Variants in PRKAG2 observed in about 807,000 individuals in gnomAD.
PRKAG2 encodes the protein protein kinase AMP-activated non-catalytic subunit gamma 2.
A neutral mutation model predicts 69.6 loss-of-function variants in PRKAG2; 26 were observed. The ratio of observed to expected loss-of-function variants is 0.37; its 90% CI spans 0.27 to 0.52. PRKAG2 has a LOEUF of 0.52. Ranked by LOEUF, PRKAG2 falls within the 20% of genes least tolerant of loss-of-function variation. The probability of loss-of-function intolerance (pLI) is 0.90; values close to 1 mark genes in which losing one functional copy is unlikely to be tolerated. For synonymous variants in PRKAG2, 293 were observed against 285.0 expected (o/e 1.03, Z -0.28); for missense variants, 557 against 740.0 (o/e 0.75, Z 2.87).
chr7:151,628,488 A>C (rs1163084349), intron 5 of PRKAG2, among the ~76,000 whole-genome samples: 7 of 152,212 alleles, frequency 4.6e-5, no homozygotes, highest in Non-Finnish European at 1.0e-4. Flanking sequence ...TGCAGCCGGC[A>C]GATCACTTGA....
At chr7:151,717,194 C>T (rs1796317459) in intron 3 of PRKAG2, among the ~76,000 whole-genome samples, 1 of 150,466 alleles carries the variant, frequency 6.6e-6, no homozygotes, top group Non-Finnish European at 1.5e-5. Context: ...TTGCAGTGAG[C>T]TGAGATCGTG....
At chr7:151,605,888 A>G (rs1817414043) in intron 5 of PRKAG2, among the ~76,000 whole-genome samples, 1 of 149,096 alleles carries the variant, frequency 6.7e-6, no homozygotes, top group Admixed American at 6.8e-5. Context: ...CAGTGAACTG[A>G]GATTGTGCCA....
At chr7:151,628,515 C>T (rs1441092915) in intron 5 of PRKAG2, among the ~76,000 whole-genome samples, 1 of 152,148 alleles carries the variant, frequency 6.6e-6, no homozygotes, top group African/African-American at 2.4e-5. Context: ...GAGTTTGAGA[C>T]CAGCTTGGCC....
At chr7:151,731,100 C>T (rs1798857416) in intron 3 of PRKAG2, among the ~76,000 whole-genome samples, 1 of 152,228 alleles carries the variant, frequency 6.6e-6, no homozygotes, top group African/African-American at 2.4e-5. Context: ...AGCGCTACTA[C>T]AGTCATTGCT....
intron 3 of PRKAG2, among the ~76,000 whole-genome samples, chr7:151,706,062 T>C (rs116781443): frequency 0.012 from 1,901 of 152,258 alleles, 39 homozygotes; most frequent in African/African-American, 0.042. Flanking sequence ...CTGCAAAGCA[T>C]GTTGAAAATG....
At chr7:151,859,398 G>A (rs1265757835) in intron 1 of PRKAG2, among the ~76,000 whole-genome samples, 1 of 152,220 alleles carries the variant, frequency 6.6e-6, no homozygotes, top group African/African-American at 2.4e-5. Flanking sequence ...CCAGCCCCGT[G>A]GAAAGGTATG....
chr7:151,637,984 CA>C, intron 4 of PRKAG2, among the ~76,000 whole-genome samples: 2 of 152,156 alleles, frequency 1.3e-5, no homozygotes, highest in South Asian at 4.2e-4. Flanking sequence ...GTCATGCAAG[CA>C]AAGGGAAGGG....
chr7:151,589,316 C>T (rs983925038), intron 6 of PRKAG2, among the ~76,000 whole-genome samples: 1 of 152,202 alleles, frequency 6.6e-6, no homozygotes, highest in Non-Finnish European at 1.5e-5. Context: ...CTAGAAGGCA[C>T]GCGCCAGGAC....
At chr7:151,712,920 C>T (rs960655054) in intron 3 of PRKAG2, among the ~76,000 whole-genome samples, 49 of 152,324 alleles carry the variant, frequency 3.2e-4, no homozygotes, top group African/African-American at 1.2e-3. Flanking sequence ...AGGATATTTT[C>T]AGCACTTTCC....
chr7:151,618,453 C>CAAAAT (rs540092141), intron 5 of PRKAG2, among the ~76,000 whole-genome samples: 3,977 of 148,650 alleles, frequency 0.027, 181 homozygotes, highest in African/African-American at 0.094. Context: ...GACTCCGTCT[C>CAAAAT]AAAATAAAAT....
chr7:151,687,694 C>T (rs1344014087), intron 3 of PRKAG2, among the ~76,000 whole-genome samples: 2 of 152,202 alleles, frequency 1.3e-5, no homozygotes, highest in Non-Finnish European at 1.5e-5. Context: ...CTACCCCCCA[C>T]CCCAGAAGCA....
chr7:151,670,288 T>G (rs1480826786), intron 4 of PRKAG2, among the ~76,000 whole-genome samples: 5 of 152,192 alleles, frequency 3.3e-5, no homozygotes, highest in South Asian at 2.1e-4. Context: ...GAATCACCCC[T>G]GATTTGTCTC....
At chr7:151,795,941 A>G (rs1458711620) in intron 1 of PRKAG2, among the ~76,000 whole-genome samples, 4 of 145,878 alleles carry the variant, frequency 2.7e-5, no homozygotes, top group African/African-American at 1.0e-4. Flanking sequence ...TAGAGTTAAT[A>G]TATTATGTGA....
At chr7:151,741,542 G>T (rs1298256247) in intron 3 of PRKAG2, among the ~76,000 whole-genome samples, 2 of 151,954 alleles carry the variant, frequency 1.3e-5, no homozygotes, top group African/African-American at 4.8e-5. Flanking sequence ...GGGCATGGTG[G>T]TGCATGCCTG....
chr7:151,625,184 T>G lies in PRKAG2; in HGVS notation c.754+6885A>C, dbSNP rs544892164. ...CATGAGATAGCATGGGAAGTCTTCA[T>G]CGGGGCTTCTGGGAAGGCTTCCCTG... On this transcript the variant is annotated intron_variant, in intron 5 of 15. Coordinates refer to ENST00000287878, the MANE Select transcript of PRKAG2 (RefSeq NM_016203.4). Among the ~76,000 whole-genome samples the G allele has an allele frequency of 1.1e-4, 17 of 152,254 alleles. No homozygotes were observed. The East Asian group carries it at 3.3e-3, about 29-fold the overall frequency.
At chr7:151,875,294 C>T (rs1051269097) in intron 1 of PRKAG2, among the ~76,000 whole-genome samples, 4 of 152,196 alleles carry the variant, frequency 2.6e-5, no homozygotes, top group African/African-American at 7.2e-5. Flanking sequence ...CTGGACTCCA[C>T]CCTCTTCACC....
At chr7:151,716,710 G>A (rs894330414) in intron 3 of PRKAG2, among the ~76,000 whole-genome samples, 1 of 152,158 alleles carries the variant, frequency 6.6e-6, no homozygotes, top group East Asian at 1.9e-4. Flanking sequence ...GCAAAGAACG[G>A]GGACCAGTGA....
At chr7:151,622,490 T>C (rs1224152819) in intron 5 of PRKAG2, among the ~76,000 whole-genome samples, 1 of 152,146 alleles carries the variant, frequency 6.6e-6, no homozygotes, top group Admixed American at 6.5e-5. Flanking sequence ...ATAGAAGATG[T>C]CAGGTAGCAA....
At chr7:151,859,367 G>A (rs2079861116) in intron 1 of PRKAG2, among the ~76,000 whole-genome samples, 1 of 152,230 alleles carries the variant, frequency 6.6e-6, no homozygotes, top group African/African-American at 2.4e-5. Flanking sequence ...GTCTGTGGGT[G>A]GAGAGGGTGG....
Sources: allele counts gnomAD v4.1 joint callset (sites outside exome capture counted in the v4.1 genomes callset), GRCh38; gene constraint gnomAD v4.1.1; transcripts MANE v1.5; gene names NCBI Gene and HGNC (gene_info 2026-07-23, HGNC 2026-07-21).